Variants in SEPTIN9 observed in about 807,000 individuals in gnomAD.
SEPTIN9 encodes septin 9, also known as septin-9.
A neutral mutation model predicts 56.6 loss-of-function variants in SEPTIN9; 13 were observed. The ratio of observed to expected loss-of-function variants is 0.23; its 90% confidence interval spans 0.15 to 0.37. The LOEUF is 0.37. SEPTIN9 is among the 10% of genes least tolerant of loss of function. SEPTIN9 has a pLI of 1.00. For missense variants in SEPTIN9, 650 were observed against 823.1 expected (o/e 0.79, Z 2.57); for synonymous variants, 332 against 334.1 (o/e 0.99, Z 0.07).
At chr17:77,336,658 C>A (rs2033562581) in intron 2 of SEPTIN9, among the ~76,000 whole-genome samples, 1 of 151,824 alleles carries the variant, frequency 6.6e-6, no homozygotes, top group Admixed American at 6.6e-5. Context: ...TTTTGTAGGT[C>A]TTTTAGGATT....
chr17:77,439,927 T>C (rs75226533), intron 3 of SEPTIN9, among the ~76,000 whole-genome samples: 4,531 of 152,218 alleles, frequency 0.03, 212 homozygotes, highest in African/African-American at 0.1. Context: ...CTTACCACCC[T>C]ATTTTAACTT....
chr17:77,386,502 G>A (rs555022548), intron 2 of SEPTIN9, among the ~76,000 whole-genome samples: 4 of 152,346 alleles, frequency 2.6e-5, no homozygotes, highest in Middle Eastern at 3.4e-3. Context: ...GGCAGCTCAG[G>A]GCAGTGGGGG....
At chr17:77,350,107 G>A (rs1189679170) in intron 2 of SEPTIN9, among the ~76,000 whole-genome samples, 1 of 152,232 alleles carries the variant, frequency 6.6e-6, no homozygotes, top group East Asian at 1.9e-4. Flanking sequence ...CAGGAGTTAT[G>A]GCTGTTTCAG....
In SEPTIN9 at chr17:77,498,705, T is replaced by TC. The variant is rs5822173; in HGVS notation, c.*55dup. 0.9 allele frequency: 732,630 copies of TC among 813,188 alleles called. 328,734 individuals are homozygous for TC. Among genetic ancestry groups the TC allele is most frequent in the South Asian group, 0.94 (60,003 of 63,650 alleles). The allele number at this position is 813,188 out of a possible 1,614,324, so 50.4% of individuals were successfully genotyped here. ...GGATCCTGCCCCCAAGTCATTTCCGTCCCCCCCCAGGCCCTCCCACCACCC... is the reference window on the plus strand; with the variant it reads ...GGATCCTGCCCCCAAGTCATTTCCGTCCCCCCCCCAGGCCCTCCCACCACCC... On this transcript the variant is annotated 3_prime_UTR_variant, in exon 12 of 12. Coordinates refer to ENST00000427177, the MANE Select transcript of SEPTIN9 (RefSeq NM_001113491.2).
At chr17:77,364,835 G>A (rs1257456840) in intron 2 of SEPTIN9, among the ~76,000 whole-genome samples, 1 of 152,246 alleles carries the variant, frequency 6.6e-6, no homozygotes, top group Non-Finnish European at 1.5e-5. Flanking sequence ...GCTGTGCCTG[G>A]AGGCTCCCCA....
intron 3 of SEPTIN9, among the ~76,000 whole-genome samples, chr17:77,415,952 A>T (rs1358873914): frequency 6.6e-6 from 1 of 152,358 alleles, no homozygotes; most frequent in East Asian, 1.9e-4. Context: ...ATGTAAGGGG[A>T]CACCAAAGAG....
At position 77,287,979 on chromosome 17, in the gene SEPTIN9, C is replaced by T. The variant is rs1409292784; in HGVS notation, c.19+6425C>T. On this transcript the variant is annotated intron_variant, in intron 1 of 11. Coordinates refer to ENST00000427177, the MANE Select transcript of SEPTIN9 (RefSeq NM_001113491.2). ...CCTCAGAGCGGTGTTGGCCCGGGGC[C>T]TTCAGTGGCCTTTGTGTCTGGGTGA... The T allele has an allele frequency of 2.8e-6, 3 of 1,056,350 alleles. No individual in the cohort carries two copies. In the East Asian group the frequency reaches 1.6e-4, roughly 55 times the overall value. The allele number at this position is 1,056,350 out of a possible 1,614,324, so 65.4% of individuals were successfully genotyped here.
chr17:77,423,380 C>A (rs1271299976), intron 3 of SEPTIN9, among the ~76,000 whole-genome samples: 2 of 152,180 alleles, frequency 1.3e-5, no homozygotes, highest in African/African-American at 4.8e-5. Context: ...CATTGAGTTC[C>A]CCTTGATAGT....
chr17:77,373,222 AGCCAGT>A (rs1315379134), intron 2 of SEPTIN9: 1 of 1,107,620 alleles, frequency 9.0e-7, no homozygotes, highest in Non-Finnish European at 1.1e-6. Context: ...CGGGCGGAGC[AGCCAGT>A]GCGAGACAGG....
intron 2 of SEPTIN9, among the ~76,000 whole-genome samples, chr17:77,378,971 G>A (rs1049501487): frequency 3.0e-4 from 46 of 152,226 alleles, no homozygotes; most frequent in Middle Eastern, 3.4e-3. Flanking sequence ...GGCAGCCTGC[G>A]TTCGGCTCTG....
At chr17:77,480,746 G>A (rs903970887) in intron 3 of SEPTIN9, among the ~76,000 whole-genome samples, 6 of 152,218 alleles carry the variant, frequency 3.9e-5, no homozygotes, top group Non-Finnish European at 5.9e-5. Flanking sequence ...AGGACTGGCG[G>A]GAGGGGCCCT....
intron 3 of SEPTIN9, among the ~76,000 whole-genome samples, chr17:77,468,377 C>T (rs976059816): frequency 1.3e-5 from 2 of 152,090 alleles, no homozygotes; most frequent in African/African-American, 4.8e-5. Flanking sequence ...GGGATGGTCC[C>T]GGCAGGGAGG....
At position 77,429,445 on chromosome 17, in the gene SEPTIN9, T is replaced by G. The variant is rs1598360165; in HGVS notation, c.721+26742T>G. 2 of 384,090 alleles carry G rather than the reference T, an allele frequency of 5.2e-6. No homozygotes were observed. Among genetic ancestry groups the G allele is most frequent in the East Asian group, 1.5e-4 (2 of 13,588 alleles). The allele number at this position is 384,090 out of a possible 1,614,324, so 23.8% of individuals were successfully genotyped here. A position where few individuals can be genotyped will look rare whatever the true frequency, so the allele number is the denominator to read the frequency against. ...TTGCATTTGGGGAGGGACTGAGGGC[T>G]GATTGTGTTGTGGGGATGTTGGCAG... is the stretch of plus-strand genomic sequence containing the variant. On this transcript the variant is annotated intron_variant, in intron 3 of 11. Coordinates refer to ENST00000427177, the MANE Select transcript of SEPTIN9 (RefSeq NM_001113491.2). The surrounding 1 kb of genome is among the most constrained non-coding windows in gnomAD (Gnocchi z 5.2).
chr17:77,482,299 A>G lies in SEPTIN9; in HGVS notation c.877A>G (p.Met293Val). The change falls in exon 4 of 12, where the codon ATG becomes GTG. Residue 293 changes from methionine to valine, a missense_variant. By Grantham distance (21) the Met-to-Val change is conservative. This residue lies in a region of SEPTIN9 where 333 missense variants were observed against 494.0 expected (regional missense o/e 0.67). Transcript: ENST00000427177. The stretch of plus-strand genomic sequence containing the variant: ...CCTGGAGCAGATGCGCCGGAAGGCC[A>G]TGAAGCAGGGCTTCGAGTTCAACAT... ...SILEQMRRKA[M>V]KQGFEFNIMV... is the part of the protein sequence containing the mutation. The G allele has an allele frequency of 6.2e-7, 1 of 1,613,172 alleles. No homozygotes were observed. Among genetic ancestry groups the G allele is most frequent in the Non-Finnish European group, 8.5e-7 (1 of 1,179,860 alleles).
chr17:77,320,120 C>A, intron 2 of SEPTIN9: 1 of 1,469,194 alleles, frequency 6.8e-7, no homozygotes, highest in Non-Finnish European at 9.0e-7. Flanking sequence ...GGAGCACAAA[C>A]ATATGATCAG....
rs372794745 is a variant in SEPTIN9 at position 77,475,577 on chromosome 17, G to A, written c.722-6567G>A. ...GCCGTAGGGCTGCCGCAGGGGTGCT[G>A]GCCCCAGGGTCTGGATTCAGGGGAG... On this transcript the variant is annotated intron_variant, in intron 3 of 11. Transcript: ENST00000427177. This position sits in a 1 kb window ranked among gnomAD's most constrained non-coding sequence, Gnocchi z 4.6. 2 of 1,613,488 alleles carry A rather than the reference G, an allele frequency of 1.2e-6. No homozygotes were observed. The highest frequency in any genetic ancestry group is 8.5e-7 in the Non-Finnish European group (1 of 1,179,846).
chr17:77,407,096 A>G (rs1264650908), intron 3 of SEPTIN9, among the ~76,000 whole-genome samples: 1 of 152,086 alleles, frequency 6.6e-6, no homozygotes, highest in East Asian at 1.9e-4. Flanking sequence ...AGCCTGGGCA[A>G]CATAGAGAAA....
intron 3 of SEPTIN9, among the ~76,000 whole-genome samples, chr17:77,465,653 G>C (rs1329109002): frequency 6.6e-6 from 1 of 152,310 alleles, no homozygotes; most frequent in African/African-American, 2.4e-5. Context: ...GAGTGACCCC[G>C]GGGGCCTGCA....
At chr17:77,360,157 CAA>C (rs59677016) in intron 2 of SEPTIN9, among the ~76,000 whole-genome samples, 82 of 120,822 alleles carry the variant, frequency 6.8e-4, no homozygotes, top group Middle Eastern at 4.2e-3. Flanking sequence ...AACTCTGTCT[CAA>C]AAAAAAAAAA....
Sources: gnomAD v4.1 joint callset for allele counts (sites outside exome capture counted in the v4.1 genomes callset) on GRCh38, gnomAD v4.1.1 for gene constraint, gnomAD v4.1.1 regional missense constraint, Gnocchi (gnomAD v3.1) non-coding constraint, MANE v1.5 for transcripts, NCBI Gene and HGNC (gene_info 2026-07-23, HGNC 2026-07-21) for gene names.